The following NBEAL1 variants were observed in gnomAD, a reference collection of about 807,000 sequenced individuals.
NBEAL1 encodes the protein neurobeachin like 1.
A neutral mutation model predicts 351.3 loss-of-function variants in NBEAL1; 273 were observed. The ratio of observed to expected loss-of-function variants is 0.78; its 90% CI spans 0.70 to 0.86. The LOEUF (loss-of-function observed/expected upper bound fraction) is 0.86, where lower values mean the gene tolerates loss of function less well. Ranked by LOEUF, NBEAL1 falls within the 40% of genes least tolerant of loss-of-function variation. The pLI, the probability that NBEAL1 is intolerant of heterozygous loss-of-function variation, is 0.00. For missense variants in NBEAL1, 2,961 were observed against 3,201.3 expected (o/e 0.92, Z 1.81); for synonymous variants, 1,050 against 1,086.4 (o/e 0.97, Z 0.66).
chr2:203,135,693 A>G lies in NBEAL1; in HGVS notation c.3830A>G (p.Gln1277Arg), dbSNP rs2063184226. ...AICRKVLQIL[Q>R]FQPDAAHQIS... The stretch of plus-strand genomic sequence containing the variant: ...TTTTTACAGGTTTTGCAAATTTTGC[A>G]GTTCCAGCCAGATGCAGCACATCAA... The change falls in exon 28 of 56, where the codon CAG becomes CGG. Residue 1277 changes from glutamine (Q) to arginine (R), a missense_variant. Coordinates refer to ENST00000683969, the MANE Select transcript of NBEAL1 (RefSeq NM_001378026.1). 8.0e-6 allele frequency: 12 copies of G among 1,496,834 alleles called. No individual in the cohort carries two copies. The South Asian group carries it at 1.3e-4, about 16-fold the overall frequency. The allele number at this position is 1,496,834 out of a possible 1,614,324, so 92.7% of individuals were successfully genotyped here. A position where few individuals can be genotyped will look rare whatever the true frequency, so the allele number is the denominator to read the frequency against.
chr2:203,026,123 C>T (rs2060851707), intron 2 of NBEAL1, among the ~76,000 whole-genome samples: 2 of 152,154 alleles, frequency 1.3e-5, no homozygotes. Context: ...ATATACTTGT[C>T]TTGCTCCTCA....
intron 31 of NBEAL1, among the ~76,000 whole-genome samples, chr2:203,142,260 A>G (rs2063401639): frequency 6.6e-6 from 1 of 152,082 alleles, no homozygotes; most frequent in South Asian, 2.1e-4. Context: ...GGTTCAAGTG[A>G]TTCTCTGGTC....
chr2:203,018,655 G>C (rs1309185070), intron 2 of NBEAL1, among the ~76,000 whole-genome samples: 4 of 151,916 alleles, frequency 2.6e-5, no homozygotes, highest in African/African-American at 9.7e-5. Flanking sequence ...TTTTATTGTG[G>C]AAATTCTCAA....
chr2:203,042,512 C>T (rs190366240), intron 3 of NBEAL1, among the ~76,000 whole-genome samples: 3 of 151,754 alleles, frequency 2.0e-5, no homozygotes, highest in East Asian at 3.9e-4. Context: ...TGTGGTTGAG[C>T]TCAATTTCCC....
chr2:203,173,903 A>G (rs1266350006), intron 41 of NBEAL1, among the ~76,000 whole-genome samples: 4 of 151,984 alleles, frequency 2.6e-5, no homozygotes, highest in Non-Finnish European at 4.4e-5. Flanking sequence ...ACCCATTACT[A>G]TTTTGGTTTT....
At chr2:203,172,270 C>A (rs192617742) in intron 40 of NBEAL1, among the ~76,000 whole-genome samples, 1 of 152,228 alleles carries the variant, frequency 6.6e-6, no homozygotes, top group Admixed American at 6.5e-5. Flanking sequence ...CTTGTAATCC[C>A]AGCACTTTGG....
At chr2:203,121,823 T>C (rs1164948176) in intron 18 of NBEAL1, among the ~76,000 whole-genome samples, 1 of 152,088 alleles carries the variant, frequency 6.6e-6, no homozygotes, top group Admixed American at 6.6e-5. Flanking sequence ...TCTCACTCTG[T>C]CACTGAGGCT....
At chr2:203,141,297 A>C (rs1034782361) in intron 31 of NBEAL1, among the ~76,000 whole-genome samples, 2 of 144,798 alleles carry the variant, frequency 1.4e-5, no homozygotes, top group Admixed American at 1.4e-4. Context: ...CCATTCCATA[A>C]TAGGGGCTTT....
chr2:203,144,210 CA>C (rs1203059538), intron 31 of NBEAL1, among the ~76,000 whole-genome samples: 4,075 of 52,972 alleles, frequency 0.077, 97 homozygotes, highest in African/African-American at 0.22. Context: ...GACTCCATCT[CA>C]AAAAAAAAAA....
At chr2:203,119,456 T>G (rs2062780434) in intron 18 of NBEAL1, among the ~76,000 whole-genome samples, 1 of 113,954 alleles carries the variant, frequency 8.8e-6, no homozygotes, top group Non-Finnish European at 1.9e-5. Context: ...AGACGGAGTC[T>G]CGCTCTGTTG....
intron 2 of NBEAL1, among the ~76,000 whole-genome samples, chr2:203,033,464 C>T (rs2060986451): frequency 1.3e-5 from 2 of 152,190 alleles, no homozygotes; most frequent in African/African-American, 4.8e-5. Context: ...AGCATAAACA[C>T]AGTCTGTATC....
Position 203,130,227 on chromosome 2 carries a change from A to G in NBEAL1, c.3406-91A>G, listed in dbSNP as rs559178781. 1.8e-5 allele frequency: 21 copies of G among 1,195,852 alleles called. 1 individual carries two copies. The African/African-American group carries it at 2.8e-4, about 16-fold the overall frequency. The allele number at this position is 1,195,852 out of a possible 1,614,324, so 74.1% of individuals were successfully genotyped here. A position where few individuals can be genotyped will look rare whatever the true frequency, so the allele number is the denominator to read the frequency against. On this transcript the variant is annotated intron_variant, in intron 24 of 55. Coordinates refer to ENST00000683969, the MANE Select transcript of NBEAL1 (RefSeq NM_001378026.1). ...AAGTTAAGATAAAACATTATATAGG[A>G]TTTAATTAAATAACTTTTGTGGCTT...
In NBEAL1 at chr2:203,106,331, G is replaced by A. The variant is rs1162655942; in HGVS notation, c.1270-1089G>A. Among the ~76,000 whole-genome samples the A allele has an allele frequency of 2.0e-5, 3 of 152,082 alleles. No individual in the cohort carries two copies. The East Asian group carries it at 5.8e-4, about 29-fold the overall frequency. On this transcript the variant is annotated intron_variant, in intron 12 of 55. Transcript: ENST00000683969. ...TGTTTTCTGAAACATGCCTTTCATT[G>A]TATTCCTTAGATTACATTGGTTTGT...
At chr2:203,104,456 G>A (rs2062390785) in intron 12 of NBEAL1, among the ~76,000 whole-genome samples, 1 of 152,166 alleles carries the variant, frequency 6.6e-6, no homozygotes, top group Admixed American at 6.6e-5. Flanking sequence ...TGAGTCTCTT[G>A]AAGACAGCAT....
intron 2 of NBEAL1, among the ~76,000 whole-genome samples, chr2:203,030,526 G>A (rs115786726): frequency 0.012 from 1,860 of 152,156 alleles, 42 homozygotes; most frequent in African/African-American, 0.043. Flanking sequence ...GGGACTAACC[G>A]GAATGAGAAA....
intron 6 of NBEAL1, chr2:203,061,972 T>C (rs868584507): frequency 3.5e-6 from 1 of 286,548 alleles, no homozygotes. Flanking sequence ...TTTCCCACAT[T>C]GTTTACATTT....
intron 31 of NBEAL1, among the ~76,000 whole-genome samples, 154 bp downstream of exon 31, chr2:203,138,902 A>C (rs895583979): frequency 4.6e-5 from 7 of 152,162 alleles, no homozygotes; most frequent in Non-Finnish European, 1.0e-4. Context: ...GGAGCTTGAG[A>C]GGCAGTTAAT....
chr2:203,071,811 T>G (rs1410323267), intron 7 of NBEAL1, among the ~76,000 whole-genome samples: 2 of 152,134 alleles, frequency 1.3e-5, no homozygotes, highest in Non-Finnish European at 2.9e-5. Flanking sequence ...AGGGAGACAG[T>G]GGAAGGAATA....
chr2:203,152,793 T>A (rs1338859297), intron 35 of NBEAL1, among the ~76,000 whole-genome samples: 1 of 151,972 alleles, frequency 6.6e-6, no homozygotes, highest in Non-Finnish European at 1.5e-5. Flanking sequence ...TCCCAGCATT[T>A]TGGGAGGCCG....
Sources: gnomAD v4.1 joint callset for allele counts (sites outside exome capture counted in the v4.1 genomes callset) on GRCh38, gnomAD v4.1.1 for gene constraint, MANE v1.5 for transcripts, NCBI Gene and HGNC (gene_info 2026-07-23, HGNC 2026-07-21) for gene names.